The following CCDC13 variants were observed in gnomAD, a reference collection of about 807,000 sequenced individuals.
CCDC13 encodes the protein coiled-coil domain-containing protein 13.
A neutral mutation model predicts 87.3 loss-of-function variants in CCDC13; 70 were observed. That is an observed-to-expected ratio of 0.80 (90% confidence interval 0.66 to 0.98). The LOEUF is 0.98. Among genes scored for constraint, CCDC13 ranks in the 50% least tolerant of loss-of-function variants. The pLI is 0.00. For synonymous variants in CCDC13, 317 were observed against 360.3 expected, an observed-to-expected ratio of 0.88 and a Z score of 1.36; for missense variants, 842 against 892.0, an observed-to-expected ratio of 0.94 and a Z score of 0.71.
intron 3 of CCDC13, among the ~76,000 whole-genome samples, chr3:42,754,039 T>C (rs1195313195): frequency 1.3e-5 from 2 of 152,198 alleles, no homozygotes; most frequent in African/African-American, 2.4e-5. Context: ...CCCCTATCTG[T>C]GCAATGGCAG....
chr3:42,739,867 C>T (rs1231193719), intron 8 of CCDC13, 57 bp from the exon 9 acceptor site: 110 of 1,529,118 alleles, frequency 7.2e-5, no homozygotes, highest in Non-Finnish European at 9.3e-5. Context: ...TTGGCCACAT[C>T]TGCTCCCTGG....
intron 9 of CCDC13, among the ~76,000 whole-genome samples, chr3:42,739,404 T>C (rs563703537): frequency 6.6e-6 from 1 of 152,356 alleles, no homozygotes; most frequent in African/African-American, 2.4e-5. Context: ...CAGTGCCTTG[T>C]GCCTGGTGCT....
At chr3:42,731,413 G>A (rs781736623) in intron 12 of CCDC13, among the ~76,000 whole-genome samples, 3 of 152,000 alleles carry the variant, frequency 2.0e-5, no homozygotes, top group Non-Finnish European at 2.9e-5. Flanking sequence ...GTTTAGATGG[G>A]CTCCGAGAAC....
At chr3:42,762,696 T>C (rs146070593) in intron 1 of CCDC13, among the ~76,000 whole-genome samples, 15 of 152,362 alleles carry the variant, frequency 9.8e-5, no homozygotes, top group African/African-American at 3.4e-4. Context: ...CTGCCCTATG[T>C]GTCTCTTTGC....
chr3:42,710,981 C>G (rs1385624362), intron 14 of CCDC13, among the ~76,000 whole-genome samples: 1 of 151,852 alleles, frequency 6.6e-6, no homozygotes, highest in African/African-American at 2.4e-5. Flanking sequence ...TGCGGTGGCT[C>G]ATGCCTATAA....
chr3:42,758,349 G>A lies in CCDC13; in HGVS notation c.-4C>T, dbSNP rs200565346. 4.1e-5 allele frequency: 66 copies of A among 1,611,696 alleles called. No individual in the cohort carries two copies. Among genetic ancestry groups the A allele is most frequent in the Non-Finnish European group, 5.3e-5 (63 of 1,179,896 alleles). ...GTGAGCTTTCATCTGCTGCCATCCT[G>A]CCCTAGGCATCAGAAATGAAGCCTC... On this transcript the variant is annotated splice_region_variant and 5_prime_UTR_variant, in exon 2 of 16. Coordinates refer to ENST00000310232, the MANE Select transcript of CCDC13 (RefSeq NM_144719.4).
At chr3:42,705,426 G>A (rs1698155334), downstream of CCDC13, among the ~76,000 whole-genome samples, 1 of 152,188 alleles carries the variant, frequency 6.6e-6, no homozygotes, top group African/African-American at 2.4e-5. Context: ...GCCCCTGTGG[G>A]GACAGTGGCC....
At chr3:42,757,030 G>T in intron 3 of CCDC13, 36 bp downstream of exon 3, 2 of 1,599,376 alleles carry the variant, frequency 1.3e-6, no homozygotes, top group Non-Finnish European at 1.7e-6. Flanking sequence ...TCCCTGGACT[G>T]CAGGGCAAGG....
At chr3:42,732,030 T>C (rs1698846901) in intron 12 of CCDC13, among the ~76,000 whole-genome samples, 1 of 152,194 alleles carries the variant, frequency 6.6e-6, no homozygotes, top group Non-Finnish European at 1.5e-5. Flanking sequence ...CTCTCTTTAC[T>C]GTGACTAAAA....
Position 42,709,571 on chromosome 3 carries a change from C to T in CCDC13, c.1988+113G>A, listed in dbSNP as rs553864524. 1.5e-5 allele frequency: 13 copies of T among 861,520 alleles called. No homozygotes were observed. The East Asian group carries it at 2.5e-4, about 17-fold the overall frequency. 53.4% of individuals were successfully genotyped at this position (861,520 alleles called of 1,614,324 possible). On this transcript the variant is annotated intron_variant, in intron 15 of 15. Coordinates refer to ENST00000310232, the MANE Select transcript of CCDC13 (RefSeq NM_144719.4). Reference sequence around the variant, plus strand: ...AGAACCCAGGACCAAACAGGACAAGCCTTCTGGGCAAATGAGTCAAAAGTG... The same window carrying T: ...AGAACCCAGGACCAAACAGGACAAGTCTTCTGGGCAAATGAGTCAAAAGTG...
At chr3:42,765,401 C>CTATTTT (rs1183629320) in intron 1 of CCDC13, among the ~76,000 whole-genome samples, 5 of 152,012 alleles carry the variant, frequency 3.3e-5, no homozygotes, top group East Asian at 1.9e-4. Flanking sequence ...GCCAGGGTGT[C>CTATTTT]TATTTTTATT....
In CCDC13 at chr3:42,735,923, C is replaced by A. The variant is rs762566507; in HGVS notation, c.1165-10G>T. Reference sequence around the variant, plus strand: ...GCTGCTTCAGCTGGTCCTGGGGGGCCAGGCAGGAGGGCAGGTGGAGTCAGT... The same window carrying A: ...GCTGCTTCAGCTGGTCCTGGGGGGCAAGGCAGGAGGGCAGGTGGAGTCAGT... On this transcript the variant is annotated splice_polypyrimidine_tract_variant and intron_variant, in intron 9 of 15. Coordinates refer to ENST00000310232, the MANE Select transcript of CCDC13 (RefSeq NM_144719.4). 6 of 1,610,618 alleles carry A rather than the reference C, an allele frequency of 3.7e-6. No homozygotes were observed. Among genetic ancestry groups the A allele is most frequent in the Non-Finnish European group, 5.1e-6 (6 of 1,178,684 alleles).
At chr3:42,763,158 G>C (rs1303566718) in intron 1 of CCDC13, among the ~76,000 whole-genome samples, 1 of 152,176 alleles carries the variant, frequency 6.6e-6, no homozygotes, top group African/African-American at 2.4e-5. Context: ...ACTGATTACA[G>C]CTGGCTGTTT....
At chr3:42,731,808 A>C (rs1220947776) in intron 12 of CCDC13, among the ~76,000 whole-genome samples, 1 of 152,040 alleles carries the variant, frequency 6.6e-6, no homozygotes, top group Non-Finnish European at 1.5e-5. Context: ...CTGTCCTGTC[A>C]CCTGTGGGAG....
intron 5 of CCDC13, among the ~76,000 whole-genome samples, chr3:42,748,600 T>C (rs1057221723): frequency 1.3e-5 from 2 of 152,204 alleles, no homozygotes; most frequent in Admixed American, 6.5e-5. Flanking sequence ...GGAAGTTCCA[T>C]GGACCCCAGA....
chr3:42,745,665 C>A, intron 7 of CCDC13: 1 of 316,108 alleles, frequency 3.2e-6, no homozygotes, highest in African/African-American at 2.1e-5. Flanking sequence ...ATAAATCAAA[C>A]CAAAGGCGTT....
chr3:42,720,434 T>C (rs919857163), intron 13 of CCDC13, among the ~76,000 whole-genome samples: 1 of 152,204 alleles, frequency 6.6e-6, no homozygotes, highest in Admixed American at 6.5e-5. Flanking sequence ...TTATCTGCAC[T>C]TCTGTTTGCT....
intron 7 of CCDC13, among the ~76,000 whole-genome samples, chr3:42,744,673 C>T (rs953816845): frequency 1.3e-5 from 2 of 151,670 alleles, no homozygotes; most frequent in Admixed American, 6.6e-5. Flanking sequence ...GGCGTGGTGG[C>T]GGGCAAATGT....
At chr3:42,733,246 A>C (rs937502327) in intron 11 of CCDC13, among the ~76,000 whole-genome samples, 1 of 152,226 alleles carries the variant, frequency 6.6e-6, no homozygotes, top group Non-Finnish European at 1.5e-5. Flanking sequence ...TCTTACAGAG[A>C]GCTGCAACCA....
Sources: gnomAD v4.1 joint callset for allele counts (sites outside exome capture counted in the v4.1 genomes callset) on GRCh38, gnomAD v4.1.1 for gene constraint, MANE v1.5 for transcripts, NCBI Gene and HGNC (gene_info 2026-07-23, HGNC 2026-07-21) for gene names.